Variants in SGCD observed in about 807,000 individuals in gnomAD.
SGCD encodes the protein delta-sarcoglycan.
In SGCD, 18 loss-of-function variants were observed where a neutral mutation model predicts 36.6. That is an observed-to-expected ratio of 0.49 (90% CI 0.34 to 0.73). The LOEUF (loss-of-function observed/expected upper bound fraction) is 0.73, where lower values mean the gene tolerates loss of function less well. SGCD is among the 30% of genes least tolerant of loss of function. SGCD has a pLI of 0.01. For missense variants in SGCD, 387 were observed against 346.7 expected, an observed-to-expected ratio of 1.12 and a Z score of -0.92; for synonymous variants, 133 against 130.6, an observed-to-expected ratio of 1.02 and a Z score of -0.12.
At chr5:156,502,905 G>A (rs1329021758) in intron 3 of SGCD, among the ~76,000 whole-genome samples, 2 of 152,122 alleles carry the variant, frequency 1.3e-5, no homozygotes, top group African/African-American at 4.8e-5. Context: ...GGAAATAGAG[G>A]CCAGTAACAA....
chr5:156,364,357 T>C (rs922691481), intron 3 of SGCD, among the ~76,000 whole-genome samples: 3 of 139,226 alleles, frequency 2.2e-5, no homozygotes, highest in African/African-American at 5.2e-5. Flanking sequence ...TTATTATTAG[T>C]GTCAGGGCTA....
intron 4 of SGCD, among the ~76,000 whole-genome samples, chr5:156,585,220 C>T (rs1358570765): frequency 1.3e-5 from 2 of 151,938 alleles, no homozygotes; most frequent in Non-Finnish European, 2.9e-5. Flanking sequence ...AAAAAAATTT[C>T]AAAACAATAG....
the SGCD span, among the ~76,000 whole-genome samples, chr5:155,764,734 C>A: frequency 6.6e-6 from 1 of 152,124 alleles, no homozygotes; most frequent in East Asian, 1.9e-4. Context: ...TGAGTGTTTT[C>A]TGTAAAAAAT....
At chr5:156,398,393 T>C (rs987864607) in intron 3 of SGCD, among the ~76,000 whole-genome samples, 4 of 152,200 alleles carry the variant, frequency 2.6e-5, no homozygotes, top group Non-Finnish European at 5.9e-5. Context: ...GAACATCTGA[T>C]GGACAATTGA....
At position 155,979,909 on chromosome 5, in the gene SGCD, G is replaced by T. The variant is rs144510001; in HGVS notation, c.-282+109485G>T. On this transcript the variant is annotated intron_variant, in intron 1 of 9. Coordinates refer to the SGCD transcript ENST00000517913. ...TGTCCTCTCCACATTCATATGCTGA[G>T]ATTCCAGCATATGCATTTATATGAA... 1.9e-4 allele frequency among the ~76,000 whole-genome samples: 29 copies of T among 152,284 alleles called. No individual in the cohort carries two copies. The East Asian group carries it at 3.1e-3, about 16-fold the overall frequency.
chr5:156,641,141 T>C (rs1448109648), intron 6 of SGCD, among the ~76,000 whole-genome samples: 1 of 152,218 alleles, frequency 6.6e-6, no homozygotes, highest in East Asian at 1.9e-4. Flanking sequence ...CACAAATTCA[T>C]GTTAGGAATT....
intron 3 of SGCD, among the ~76,000 whole-genome samples, chr5:156,499,894 G>T (rs1429886870): frequency 2.0e-5 from 3 of 152,136 alleles, no homozygotes; most frequent in African/African-American, 7.2e-5. Flanking sequence ...AGCTAGAGCA[G>T]TCTCAAACTT....
chr5:155,860,214 T>A, the SGCD span, among the ~76,000 whole-genome samples: 1 of 152,248 alleles, frequency 6.6e-6, no homozygotes. Flanking sequence ...GGCCAATGAC[T>A]CAGAACATCA....
At chr5:156,154,250 A>G (rs1160233619) in intron 3 of SGCD, among the ~76,000 whole-genome samples, 1 of 151,612 alleles carries the variant, frequency 6.6e-6, no homozygotes, top group Non-Finnish European at 1.5e-5. Context: ...GAATGCAGTT[A>G]AGCAGAAGAA....
intron 3 of SGCD, among the ~76,000 whole-genome samples, chr5:156,178,280 G>A (rs75004833): frequency 6.6e-6 from 1 of 152,028 alleles, no homozygotes; most frequent in Non-Finnish European, 1.5e-5. Flanking sequence ...TAACTGAATC[G>A]TAACTAAAGA....
chr5:155,859,345 G>A, the SGCD span, among the ~76,000 whole-genome samples: 3 of 152,032 alleles, frequency 2.0e-5, no homozygotes, highest in African/African-American at 7.2e-5. Flanking sequence ...GGGATTACAG[G>A]CATGAGCCAC....
chr5:156,028,203 T>G (rs996160272), intron 1 of SGCD, among the ~76,000 whole-genome samples: 3 of 152,234 alleles, frequency 2.0e-5, no homozygotes, highest in African/African-American at 7.2e-5. Flanking sequence ...CTATCATTGT[T>G]AGTCATAATG....
chr5:156,122,111 A>G (rs1762056664), intron 2 of SGCD, among the ~76,000 whole-genome samples: 1 of 152,180 alleles, frequency 6.6e-6, no homozygotes, highest in South Asian at 2.1e-4. Flanking sequence ...GTTGTCAAAA[A>G]TACTGGAGAT....
the SGCD span, among the ~76,000 whole-genome samples, chr5:155,799,011 A>G: frequency 6.6e-6 from 1 of 152,200 alleles, no homozygotes; most frequent in African/African-American, 2.4e-5. Context: ...TTTTCCTGTT[A>G]TAATTAAATC....
intron 4 of SGCD, among the ~76,000 whole-genome samples, chr5:156,560,885 G>T (rs894498859): frequency 3.3e-5 from 5 of 152,094 alleles, no homozygotes; most frequent in Non-Finnish European, 7.3e-5. Flanking sequence ...ACAGATGTGG[G>T]ATGATTAAGT....
intron 7 of SGCD, among the ~76,000 whole-genome samples, chr5:156,684,834 G>T (rs1753848781): frequency 6.6e-6 from 1 of 152,060 alleles, no homozygotes; most frequent in African/African-American, 2.4e-5. Context: ...GGATGGTTGG[G>T]GCTTAAAACT....
Position 156,057,404 on chromosome 5 carries a change from TTG to T in SGCD, c.-281-60467_-281-60466del, listed in dbSNP as rs1378764238. ...GTTAGTCATTGAGATGCAGAGTATT[TTG>T]TGTGTGAGAAATAAAAAACAGCTGT... On this transcript the variant is annotated intron_variant, in intron 1 of 9. Coordinates refer to the SGCD transcript ENST00000517913. Among the ~76,000 whole-genome samples the T allele has an allele frequency of 9.6e-5, 14 of 146,514 alleles. 4 individuals are homozygous for T. Among genetic ancestry groups the T allele is most frequent in the Admixed American group, 4.8e-4 (7 of 14,694 alleles).
Position 156,439,704 on chromosome 5 carries a change from G to T in SGCD, c.193-68897G>T, listed in dbSNP as rs188953977. 1.2e-4 allele frequency among the ~76,000 whole-genome samples: 18 copies of T among 152,282 alleles called. No individual in the cohort carries two copies. The East Asian group carries it at 3.3e-3, about 28-fold the overall frequency. On this transcript the variant is annotated intron_variant, in intron 3 of 8. Coordinates refer to ENST00000337851, the MANE Select transcript of SGCD (RefSeq NM_000337.6). ...GGGACAATGTTACACCAATAAGAAT[G>T]CATGGAAGCTGCTTTAGCATGAACT... is the stretch of plus-strand genomic sequence containing the variant.
At chr5:156,547,122 C>G (rs1170365258) in intron 4 of SGCD, among the ~76,000 whole-genome samples, 1 of 152,160 alleles carries the variant, frequency 6.6e-6, no homozygotes, top group Non-Finnish European at 1.5e-5. Context: ...GAGGCAATTG[C>G]CAGTGTCTTG....
Sources: gnomAD v4.1 joint callset for allele counts (sites outside exome capture counted in the v4.1 genomes callset) on GRCh38, gnomAD v4.1.1 for gene constraint, MANE v1.5 for transcripts, NCBI Gene and HGNC (gene_info 2026-07-23, HGNC 2026-07-21) for gene names.